NAV2: variants seen among roughly 807,000 people sequenced by gnomAD.
NAV2 encodes the protein neuron navigator 2.
A neutral mutation model predicts 223.2 loss-of-function variants in NAV2; 54 were observed. The ratio of observed to expected loss-of-function variants is 0.24; its 90% CI spans 0.19 to 0.30. NAV2 has a LOEUF of 0.30. Ranked by LOEUF, NAV2 falls within the 10% of genes least tolerant of loss-of-function variation. The pLI, the probability that NAV2 is intolerant of heterozygous loss-of-function variation, is 1.00. For synonymous variants in NAV2, 1,279 were observed against 1,239.3 expected (o/e 1.03, Z -0.67); for missense variants, 2,806 against 3,147.5 (o/e 0.89, Z 2.60).
chr11:19,703,910 A>G (rs1021255151), intron 1 of NAV2, among the ~76,000 whole-genome samples: 2 of 152,066 alleles, frequency 1.3e-5, no homozygotes, highest in Non-Finnish European at 2.9e-5. Flanking sequence ...AGGTGACTCT[A>G]ATGTAAAGCC....
intron 1 of NAV2, among the ~76,000 whole-genome samples, chr11:19,689,702 A>ACCCTTT (rs1409512044): frequency 6.6e-6 from 1 of 152,332 alleles, no homozygotes; most frequent in African/African-American, 2.4e-5. Context: ...TTATTTCACA[A>ACCCTTT]GCAGATGAAT....
intron 1 of NAV2, among the ~76,000 whole-genome samples, chr11:19,414,908 A>G (rs568685628): frequency 6.6e-6 from 1 of 152,322 alleles, no homozygotes; most frequent in African/African-American, 2.4e-5. Flanking sequence ...GAGAACAAAG[A>G]CACAGTGTAC....
chr11:19,700,593 T>C (rs2049483506), intron 1 of NAV2, among the ~76,000 whole-genome samples: 1 of 152,182 alleles, frequency 6.6e-6, no homozygotes, highest in Non-Finnish European at 1.5e-5. Context: ...CACAGAGAAG[T>C]GTGGGGTTGG....
intron 7 of NAV2, among the ~76,000 whole-genome samples, chr11:19,938,798 A>G (rs1286030974): frequency 6.6e-6 from 1 of 152,208 alleles, no homozygotes; most frequent in East Asian, 1.9e-4. Context: ...AGAACAAAGG[A>G]GGGAAGAACA....
chr11:19,880,206 A>G (rs1426329114), intron 5 of NAV2, 79 bp downstream of exon 5: 13 of 1,453,440 alleles, frequency 8.9e-6, no homozygotes, highest in African/African-American at 1.4e-5. Context: ...GCTATCCTGT[A>G]TGGCTTTTTC....
Position 19,934,295 on chromosome 11 carries a change from C to A in NAV2, c.2033+18C>A. 6.5e-7 allele frequency: 1 copy of A among 1,546,794 alleles called. No homozygotes were observed. The highest frequency in any genetic ancestry group is 1.4e-5 in the African/African-American group (1 of 72,986). On this transcript the variant is annotated intron_variant, in intron 7 of 37. Coordinates refer to ENST00000349880, the MANE Select transcript of NAV2 (RefSeq NM_145117.5). ...CTGTACAGGTAGGAGCTGCCACCCA[C>A]CTGTGCTGCCTGGGACATTGGGTAA...
intron 10 of NAV2, among the ~76,000 whole-genome samples, chr11:19,976,908 A>C (rs1158240768): frequency 1.3e-5 from 2 of 152,178 alleles, no homozygotes; most frequent in African/African-American, 4.8e-5. Context: ...AGACTGTTCC[A>C]GGCTTGAGTG....
intron 1 of NAV2, among the ~76,000 whole-genome samples, chr11:19,451,540 T>C (rs953612540): frequency 7.9e-5 from 12 of 152,226 alleles, no homozygotes; most frequent in Admixed American, 5.9e-4. Context: ...GCTTACTGTC[T>C]AAAGCTGGAG....
intron 6 of NAV2, among the ~76,000 whole-genome samples, chr11:19,930,964 G>T (rs2045275764): frequency 6.6e-6 from 1 of 152,182 alleles, no homozygotes; most frequent in African/African-American, 2.4e-5. Flanking sequence ...TGTTTAAGTG[G>T]CTGTTTACAT....
At chr11:19,694,316 C>T (rs2049265292) in intron 1 of NAV2, among the ~76,000 whole-genome samples, 1 of 152,208 alleles carries the variant, frequency 6.6e-6, no homozygotes, top group African/African-American at 2.4e-5. Context: ...CATATACCCA[C>T]AGGCTGCCCA....
rs114345228 is a variant in NAV2 at position 20,002,877 on chromosome 11, G to A, written c.2768+18630G>A. 2.7e-3 allele frequency among the ~76,000 whole-genome samples: 412 copies of A among 152,292 alleles called. 2 individuals are homozygous for A. Among genetic ancestry groups the A allele is most frequent in the African/African-American group, 9.5e-3 (393 of 41,554 alleles). On this transcript the variant is annotated intron_variant, in intron 11 of 37. Coordinates refer to ENST00000349880, the MANE Select transcript of NAV2 (RefSeq NM_145117.5). ...CAAAAACAGACTCTGATAGGTTGAA[G>A]CAAATAGCTGACTTATTCATAGATG...
At chr11:19,785,012 G>T (rs1229314962) in intron 1 of NAV2, among the ~76,000 whole-genome samples, 1 of 152,182 alleles carries the variant, frequency 6.6e-6, no homozygotes, top group African/African-American at 2.4e-5. Context: ...CAGTGGACTT[G>T]GGAGATGAGC....
chr11:20,002,660 G>A (rs2052664587), intron 11 of NAV2, among the ~76,000 whole-genome samples: 1 of 152,112 alleles, frequency 6.6e-6, no homozygotes, highest in Non-Finnish European at 1.5e-5. Context: ...TTTGTTCTCT[G>A]GGAAATCCTA....
intron 11 of NAV2, chr11:20,027,353 G>A (rs1564873054): frequency 2.0e-6 from 2 of 985,470 alleles, no homozygotes; most frequent in Admixed American, 6.1e-5. Flanking sequence ...CAGAAAACGA[G>A]TTCCACCAGT....
chr11:19,892,526 G>C lies in NAV2; in HGVS notation c.863G>C (p.Ser288Thr). ...STTANNRRSQ[S>T]FNNYDKSKPV... The stretch of plus-strand genomic sequence containing the variant: ...ACTGCTAACAACCGACGCAGCCAGA[G>C]CTTTAACAACTATGATAAATCCAAA... The change falls in exon 6 of 38, where the codon AGC becomes ACC. Residue 288 changes from serine (S) to threonine (T), a missense_variant. By Grantham distance (58) the Ser-to-Thr change is moderately conservative (BLOSUM62 1). Around this residue, in one of 4 missense-constraint regions of NAV2, gnomAD observed 1,167 missense variants for 1,180.5 expected, o/e 0.99. Coordinates refer to ENST00000349880, the MANE Select transcript of NAV2 (RefSeq NM_145117.5). The C allele has an allele frequency of 6.2e-7, 1 of 1,614,208 alleles. No individual in the cohort carries two copies. Among genetic ancestry groups the C allele is most frequent in the East Asian group, 2.2e-5 (1 of 44,886 alleles).
intron 1 of NAV2, among the ~76,000 whole-genome samples, chr11:19,401,650 C>T (rs1410768125): frequency 6.6e-6 from 1 of 152,138 alleles, no homozygotes; most frequent in Non-Finnish European, 1.5e-5. Context: ...TTAAGATGGA[C>T]TCAGGATTCA....
intron 35 of NAV2, 57 bp from the exon 36 acceptor site, chr11:20,107,607 G>C: frequency 7.3e-7 from 1 of 1,361,270 alleles, no homozygotes; most frequent in Non-Finnish European, 1.0e-6. Context: ...GGCTTCACCT[G>C]ATGCCCCATC....
At chr11:19,894,552 G>A (rs7935182) in intron 6 of NAV2, among the ~76,000 whole-genome samples, 48,334 of 151,954 alleles carry the variant, frequency 0.32, 7,906 homozygotes, top group Middle Eastern at 0.37. Context: ...GCTGCCTATG[G>A]GTGTGCCCGC....
intron 1 of NAV2, among the ~76,000 whole-genome samples, chr11:19,398,550 G>A (rs4353249): frequency 3.3e-5 from 5 of 151,496 alleles, no homozygotes; most frequent in East Asian, 3.9e-4. Flanking sequence ...TATCAGCCCC[G>A]CTTACACTCT....
Sources: gnomAD v4.1 joint callset for allele counts (sites outside exome capture counted in the v4.1 genomes callset) on GRCh38, gnomAD v4.1.1 for gene constraint, gnomAD v4.1.1 regional missense constraint, MANE v1.5 for transcripts, NCBI Gene and HGNC (gene_info 2026-07-23, HGNC 2026-07-21) for gene names.